KIAA1549: variants seen among roughly 807,000 people sequenced by gnomAD.
The protein encoded by KIAA1549 is KIAA1549.
Under a neutral mutation model 156.4 loss-of-function variants are expected in KIAA1549, and 70 were observed. The observed-to-expected ratio is 0.45, with a 90% CI of 0.37 to 0.55. The LOEUF is 0.55. KIAA1549 is among the 20% of genes least tolerant of loss of function. The probability of loss-of-function intolerance (pLI) is 0.00; values close to 1 mark genes in which losing one functional copy is unlikely to be tolerated. For missense variants in KIAA1549, 2,428 were observed against 2,540.9 expected (o/e 0.96, Z 0.96); for synonymous variants, 1,103 against 1,066.4 (o/e 1.03, Z -0.67).
intron 1 of KIAA1549, among the ~76,000 whole-genome samples, chr7:138,940,188 C>A (rs949702091): frequency 6.6e-6 from 1 of 151,770 alleles, no homozygotes; most frequent in Non-Finnish European, 1.5e-5. Flanking sequence ...CAACAGGCCC[C>A]GGTGTGTGAT....
chr7:138,931,053 G>A (rs937724053), intron 1 of KIAA1549, among the ~76,000 whole-genome samples: 1 of 152,194 alleles, frequency 6.6e-6, no homozygotes, highest in Non-Finnish European at 1.5e-5. Flanking sequence ...GCCCTCAGGA[G>A]AGGGAGAGAG....
Position 138,902,585 on chromosome 7 carries a change from A to G in KIAA1549, c.3669+1003T>C, listed in dbSNP as rs145176656. ...GCATTTTTAAATGGGTCGCATTTCA[A>G]TTCAAACAAATCTGTCTTTTGTAAC... On this transcript the variant is annotated intron_variant, in intron 8 of 19. Transcript: ENST00000422774. Among the ~76,000 whole-genome samples the G allele has an allele frequency of 5.2e-3, 799 of 152,334 alleles. 11 individuals are homozygous for G. The highest frequency in any genetic ancestry group is 0.018 in the African/African-American group (762 of 41,578).
Position 138,832,133 on chromosome 7 carries a change from A to C in KIAA1549, c.*5773T>G, listed in dbSNP as rs1367902133. The C allele has an allele frequency of 4.4e-6, 1 of 226,674 alleles. No homozygotes were observed. Among genetic ancestry groups the C allele is most frequent in the Non-Finnish European group, 8.8e-6 (1 of 114,180 alleles). The allele number at this position is 226,674 out of a possible 1,614,324, so 14.0% of individuals were successfully genotyped here. ...TAGCCCAGAAAGGTTCTGTGTAATC[A>C]GGGACTGCAAGAGACTCAAGTCACT... On this transcript the variant is annotated 3_prime_UTR_variant, in exon 20 of 20. Coordinates refer to ENST00000422774, the MANE Select transcript of KIAA1549 (RefSeq NM_001164665.2).
chr7:138,963,579 G>A (rs1463720954), intron 1 of KIAA1549, among the ~76,000 whole-genome samples: 1 of 152,124 alleles, frequency 6.6e-6, no homozygotes, highest in African/African-American at 2.4e-5. Flanking sequence ...CCAGATCTAG[G>A]CAAGAACTCA....
intron 1 of KIAA1549, among the ~76,000 whole-genome samples, chr7:138,940,203 C>T (rs1319992050): frequency 6.6e-6 from 1 of 151,816 alleles, no homozygotes; most frequent in African/African-American, 2.4e-5. Flanking sequence ...TGTGATGTTC[C>T]CCTTCCTGTG....
At chr7:138,884,769 C>A (rs951623715) in intron 10 of KIAA1549, among the ~76,000 whole-genome samples, 1 of 152,372 alleles carries the variant, frequency 6.6e-6, no homozygotes, top group South Asian at 2.1e-4. Context: ...CTCTCTCAAC[C>A]AATTGCCAAC....
intron 1 of KIAA1549, among the ~76,000 whole-genome samples, chr7:138,937,897 G>A (rs553610081): frequency 6.6e-5 from 10 of 152,146 alleles, no homozygotes; most frequent in Non-Finnish European, 1.3e-4. Context: ...GAAGGTGGGG[G>A]GAGTTTGACT....
In KIAA1549 at chr7:138,907,101, A is replaced by G. The variant is rs1812029027; in HGVS notation, c.3278T>C (p.Ile1093Thr). Residue 1093 changes from isoleucine (I) to threonine (T), a missense_variant and splice_region_variant, in exon 6 of 20, where the codon ATC becomes ACC. Ile to Thr is a moderately conservative substitution (Grantham distance 89). Transcript: ENST00000422774. ...HQGTYNLTVQ[I>T]LNITISSSRV... ...TGAGGAACTGATGGTGATATTCAAG[A>G]TCTGAAAGAATAAAGTCAGAATAAG... is the stretch of plus-strand genomic sequence containing the variant. 1 of 1,575,758 alleles carries G rather than the reference A, an allele frequency of 6.3e-7. No individual in the cohort carries two copies. Among genetic ancestry groups the G allele is most frequent in the Non-Finnish European group, 8.6e-7 (1 of 1,165,550 alleles).
intron 8 of KIAA1549, among the ~76,000 whole-genome samples, chr7:138,902,571 TG>T (rs1193120392): frequency 2.0e-5 from 3 of 152,336 alleles, no homozygotes; most frequent in Non-Finnish European, 4.4e-5. Context: ...CATTTTTAAA[TG>T]GGTCGCATTT....
At chr7:138,862,412 G>A (rs895831526) in intron 15 of KIAA1549, among the ~76,000 whole-genome samples, 1 of 151,550 alleles carries the variant, frequency 6.6e-6, no homozygotes, top group Admixed American at 6.6e-5. Flanking sequence ...GCTGAGTCAG[G>A]AGAATCTCCT....
chr7:138,925,206 C>T (rs1308957264), intron 1 of KIAA1549, among the ~76,000 whole-genome samples: 6 of 152,204 alleles, frequency 3.9e-5, no homozygotes, highest in Middle Eastern at 3.2e-3. Context: ...GTCTCCAACA[C>T]TTGTCTGTCT....
chr7:138,840,411 C>A (rs146914467), intron 18 of KIAA1549, 133 bp from the exon 19 acceptor site: 1 of 735,146 alleles, frequency 1.4e-6, no homozygotes, highest in Non-Finnish European at 2.1e-6. Context: ...GACTTGGTAC[C>A]AGTTCTATCT....
At chr7:138,845,592 T>C (rs979144398) in intron 17 of KIAA1549, among the ~76,000 whole-genome samples, 3 of 152,240 alleles carry the variant, frequency 2.0e-5, no homozygotes, top group African/African-American at 7.2e-5. Flanking sequence ...CTCTAACTCA[T>C]GCCTGATTTT....
chr7:138,871,008 C>T (rs1810913090), intron 13 of KIAA1549, 149 bp downstream of exon 13: 3 of 655,522 alleles, frequency 4.6e-6, no homozygotes, highest in South Asian at 3.8e-5. Flanking sequence ...GTAGAGATGG[C>T]GTTTCACCAT....
intron 1 of KIAA1549, among the ~76,000 whole-genome samples, chr7:138,946,502 G>A (rs1030384642): frequency 4.6e-5 from 7 of 152,060 alleles, no homozygotes; most frequent in Non-Finnish European, 5.9e-5. Context: ...AGGCCTGGCC[G>A]GGCACGGTGG....
chr7:138,834,372 C>T lies in KIAA1549; in HGVS notation c.*3534G>A, dbSNP rs1276960801. The stretch of plus-strand genomic sequence containing the variant: ...CCATGTTGCCTGGGCTGGTTTTAAG[C>T]TCTTGATCTCAAGTGATCCACCTGC... On this transcript the variant is annotated 3_prime_UTR_variant, in exon 20 of 20. Coordinates refer to ENST00000422774, the MANE Select transcript of KIAA1549 (RefSeq NM_001164665.2). The T allele has an allele frequency of 5.2e-6, 1 of 191,510 alleles. No homozygotes were observed. The highest frequency in any genetic ancestry group is 1.1e-5 in the Non-Finnish European group (1 of 91,518). The allele number at this position is 191,510 out of a possible 1,614,324, so 11.9% of individuals were successfully genotyped here. A position where few individuals can be genotyped will look rare whatever the true frequency, so the allele number is the denominator to read the frequency against.
At chr7:138,860,221 G>C (rs1200600222) in intron 16 of KIAA1549, among the ~76,000 whole-genome samples, 3 of 152,176 alleles carry the variant, frequency 2.0e-5, no homozygotes, top group African/African-American at 7.2e-5. Context: ...GTAATGATTA[G>C]ATTGAATGGT....
intron 19 of KIAA1549, among the ~76,000 whole-genome samples, chr7:138,838,845 T>C (rs11973431): frequency 0.58 from 87,628 of 151,906 alleles, 25,709 homozygotes; most frequent in East Asian, 0.87. Flanking sequence ...CCGAGCAGTG[T>C]TCCAAAGTGG....
chr7:138,872,424 T>C (rs777692180), intron 12 of KIAA1549, among the ~76,000 whole-genome samples: 1 of 151,868 alleles, frequency 6.6e-6, no homozygotes, highest in Non-Finnish European at 1.5e-5. Context: ...CTTAAAAATA[T>C]TAACAGAGAC....
Sources: allele counts gnomAD v4.1 joint callset (sites outside exome capture counted in the v4.1 genomes callset), GRCh38; gene constraint gnomAD v4.1.1; transcripts MANE v1.5; gene names NCBI Gene and HGNC (gene_info 2026-07-23, HGNC 2026-07-21).